Variants in MED14 observed in about 807,000 individuals in gnomAD.
MED14 encodes mediator complex subunit 14, also known as mediator of RNA polymerase II transcription subunit 14.
In MED14, 8 loss-of-function variants were observed where a neutral mutation model predicts 109.0. The ratio of observed to expected loss-of-function variants is 0.07; its 90% CI spans 0.04 to 0.13. The LOEUF is 0.13. Among genes scored for constraint, MED14 ranks in the 10% least tolerant of loss-of-function variants. The pLI is 1.00. For synonymous variants in MED14, 399 were observed against 408.7 expected, an observed-to-expected ratio of 0.98 and a Z score of 0.29; for missense variants, 711 against 1,142.4, an observed-to-expected ratio of 0.62 and a Z score of 5.44.
intron 3 of MED14, among the ~76,000 whole-genome samples, chrX:40,724,612 A>T (rs992441391): frequency 2.7e-5 from 3 of 112,138 alleles, no homozygotes; most frequent in African/African-American, 9.7e-5. Context: ...AAGAAAATTT[A>T]AAAATTTATT....
intron 25 of MED14, 43 bp downstream of exon 25, chrX:40,664,263 TG>T (rs1929398130): frequency 9.7e-6 from 11 of 1,137,484 alleles, no homozygotes; most frequent in Non-Finnish European, 1.3e-5. Flanking sequence ...TAGGTCACTT[TG>T]GGTTATACTA....
Position 40,650,645 on chromosome X carries a change from T to C in MED14, c.*1161A>G. 3 of 754,246 alleles carry C rather than the reference T, an allele frequency of 4.0e-6. No individual in the cohort carries two copies. The highest frequency in any genetic ancestry group is 4.7e-6 in the Non-Finnish European group (3 of 639,291). The allele number at this position is 754,246 out of a possible 1,213,427, so 62.2% of individuals were successfully genotyped here. A position where few individuals can be genotyped will look rare whatever the true frequency, so the allele number is the denominator to read the frequency against. On this transcript the variant is annotated 3_prime_UTR_variant, in exon 31 of 31. Coordinates refer to ENST00000324817, the MANE Select transcript of MED14 (RefSeq NM_004229.4). Reference sequence around the variant, plus strand: ...AAGAAACCCTGCAGAGATGTATTAATACCAAAAACTCCATTTGACCCTGGA... The same window carrying C: ...AAGAAACCCTGCAGAGATGTATTAACACCAAAAACTCCATTTGACCCTGGA...
intron 23 of MED14, among the ~76,000 whole-genome samples, chrX:40,671,591 T>G (rs1385073620): frequency 8.9e-6 from 1 of 112,196 alleles, no homozygotes; most frequent in Non-Finnish European, 1.9e-5. Flanking sequence ...ACCTGTAACA[T>G]AGATCATGTT....
intron 30 of MED14, among the ~76,000 whole-genome samples, chrX:40,652,362 T>A (rs1308704685): frequency 8.9e-6 from 1 of 112,418 alleles, no homozygotes. Flanking sequence ...AAATGTTGTA[T>A]AAGTGTGCCA....
rs1468724335 is a variant in MED14 at position 40,698,034 on chromosome X, G to A, written c.1491-851C>T. Among the ~76,000 whole-genome samples the A allele has an allele frequency of 4.5e-5, 5 of 111,998 alleles. No individual in the cohort carries two copies. The Admixed American group carries it at 4.8e-4, about 11-fold the overall frequency. On this transcript the variant is annotated intron_variant, in intron 12 of 30. Coordinates refer to ENST00000324817, the MANE Select transcript of MED14 (RefSeq NM_004229.4). ...AGACAAATTTAACTACAACTCTACGGATCAAATGCAAGAACTGGTTACTGA... is the reference window on the plus strand; with the variant it reads ...AGACAAATTTAACTACAACTCTACGAATCAAATGCAAGAACTGGTTACTGA...
intron 3 of MED14, among the ~76,000 whole-genome samples, chrX:40,723,486 C>T (rs1471695023): frequency 9.2e-6 from 1 of 108,588 alleles, no homozygotes; most frequent in African/African-American, 3.3e-5. Context: ...GCCAACACGG[C>T]GAAACCCCAT....
intron 3 of MED14, among the ~76,000 whole-genome samples, chrX:40,715,797 A>C (rs1931495986): frequency 9.7e-6 from 1 of 103,032 alleles, no homozygotes; most frequent in Non-Finnish European, 2.0e-5. Flanking sequence ...AAAAAAAAAA[A>C]AAAAAAAAAA....
At chrX:40,653,659 G>A (rs1928954525) in intron 30 of MED14, among the ~76,000 whole-genome samples, 1 of 112,006 alleles carries the variant, frequency 8.9e-6, no homozygotes, top group African/African-American at 3.2e-5. Flanking sequence ...TCTCTTTGCT[G>A]AGCTTTGTAT....
At chrX:40,680,165 G>A (rs749341781) in intron 20 of MED14, 32 bp from the exon 21 acceptor site, 17 of 1,186,676 alleles carry the variant, frequency 1.4e-5, no homozygotes, top group Non-Finnish European at 1.9e-5. Flanking sequence ...AGAGCAGCCA[G>A]TTTCTGTACA....
At chrX:40,659,706 T>C in intron 26 of MED14, 99 bp from the exon 27 acceptor site, 4 of 841,846 alleles carry the variant, frequency 4.8e-6, no homozygotes, top group Non-Finnish European at 6.6e-6. Context: ...AGTTGATACC[T>C]ATTCCAAAAC....
Position 40,666,652 on chromosome X carries a change from A to C in MED14, c.3265+68T>G, listed in dbSNP as rs1451397699. ...CAAGTATTAATTTTGCAATGAAAAA[A>C]TTTACTCAACAAAAATTATTTTCAC... On this transcript the variant is annotated intron_variant, in intron 24 of 30. Transcript: ENST00000324817. The C allele has an allele frequency of 5.4e-6, 6 of 1,112,875 alleles. No homozygotes were observed. In the South Asian group the frequency reaches 1.2e-4, roughly 22 times the overall value. The allele number at this position is 1,112,875 out of a possible 1,213,427, so 91.7% of individuals were successfully genotyped here.
upstream of MED14, chrX:40,735,558 C>G (rs929795383): frequency 1.7e-6 from 1 of 576,055 alleles, no homozygotes; most frequent in South Asian, 2.4e-5. Context: ...CGTGCGCCGA[C>G]CGCGGAAGCC....
chrX:40,656,990 C>T (rs1458876518), intron 28 of MED14, among the ~76,000 whole-genome samples: 2 of 111,366 alleles, frequency 1.8e-5, no homozygotes, highest in Non-Finnish European at 3.8e-5. Context: ...TGGGTTCGAG[C>T]GATTCTCCTG....
chrX:40,731,258 A>G (rs772885494), intron 1 of MED14, among the ~76,000 whole-genome samples: 2 of 110,467 alleles, frequency 1.8e-5, no homozygotes, highest in Non-Finnish European at 3.8e-5. Context: ...GAAGGAAAAA[A>G]CCCAGAAATC....
intron 15 of MED14, among the ~76,000 whole-genome samples, chrX:40,689,420 G>A (rs1379342171): frequency 8.9e-6 from 1 of 111,961 alleles, no homozygotes. Context: ...CCGGCCAGAT[G>A]CGGTGGCTCA....
At chrX:40,702,337 A>G (rs1301761404) in intron 11 of MED14, among the ~76,000 whole-genome samples, 9 of 104,212 alleles carry the variant, frequency 8.6e-5, no homozygotes, top group Admixed American at 2.1e-4. Context: ...ACAGTTAAAT[A>G]TAAGTTTTGT....
At chrX:40,725,518 G>A (rs1931863560) in intron 3 of MED14, among the ~76,000 whole-genome samples, 1 of 111,917 alleles carries the variant, frequency 8.9e-6, no homozygotes, top group Non-Finnish European at 1.9e-5. Flanking sequence ...ATGCAAGGAT[G>A]GTTCAAAATA....
intron 23 of MED14, among the ~76,000 whole-genome samples, chrX:40,670,450 T>C (rs1444203408): frequency 8.9e-6 from 1 of 112,520 alleles, no homozygotes; most frequent in Non-Finnish European, 1.9e-5. Flanking sequence ...TATACATATC[T>C]ATAAGAATTT....
At position 40,718,297 on chromosome X, in the gene MED14, A is replaced by T. The variant is rs185726430; in HGVS notation, c.349-3587T>A. Among the ~76,000 whole-genome samples the T allele has an allele frequency of 3.5e-3, 392 of 111,714 alleles. 2 individuals carry two copies. The highest frequency in any genetic ancestry group is 5.1e-3 in the Non-Finnish European group (272 of 53,189). ...CTTTTACTCAGATTTAGGCCATCTC[A>T]CATCTCCCTTAACTCAGGTCACTGT... On this transcript the variant is annotated intron_variant, in intron 3 of 30. Transcript: ENST00000324817.
Sources: allele counts gnomAD v4.1 joint callset (sites outside exome capture counted in the v4.1 genomes callset), GRCh38; gene constraint gnomAD v4.1.1; transcripts MANE v1.5; gene names NCBI Gene and HGNC (gene_info 2026-07-23, HGNC 2026-07-21).